SETD2: variants seen among roughly 807,000 people sequenced by gnomAD.
The protein encoded by SETD2 is SET domain containing 2, histone lysine methyltransferase.
Under a neutral mutation model 242.1 loss-of-function variants are expected in SETD2, and 31 were observed. The ratio of observed to expected loss-of-function variants is 0.13; its 90% CI spans 0.10 to 0.17. The LOEUF is 0.17. SETD2 is among the 10% of genes least tolerant of loss of function. SETD2 has a pLI of 1.00. For synonymous variants in SETD2, 1,006 were observed against 1,066.5 expected, an observed-to-expected ratio of 0.94 and a Z score of 1.11; for missense variants, 2,481 against 3,046.3, an observed-to-expected ratio of 0.81 and a Z score of 4.37.
At chr3:47,029,236 T>G (rs577590498) in intron 18 of SETD2, among the ~76,000 whole-genome samples, 6 of 151,768 alleles carry the variant, frequency 4.0e-5, no homozygotes, top group African/African-American at 1.5e-4. Flanking sequence ...TTTTTTTTTT[T>G]GCATTTTTTA....
chr3:47,055,839 C>T (rs866016435), intron 15 of SETD2, among the ~76,000 whole-genome samples: 64 of 151,256 alleles, frequency 4.2e-4, no homozygotes, highest in Non-Finnish European at 1.0e-4. Context: ...GGCGAAACCC[C>T]GTCTCTACTA....
At chr3:47,142,685 T>G (rs2106796631) in intron 1 of SETD2, among the ~76,000 whole-genome samples, 1 of 150,124 alleles carries the variant, frequency 6.7e-6, no homozygotes, top group South Asian at 2.1e-4. Flanking sequence ...TTTTTTTTTT[T>G]GAGATGGAGT....
At chr3:47,152,101 C>A (rs2043999329) in intron 1 of SETD2, among the ~76,000 whole-genome samples, 1 of 152,082 alleles carries the variant, frequency 6.6e-6, no homozygotes, top group Non-Finnish European at 1.5e-5. Flanking sequence ...AATAATTGTA[C>A]AACAAAAGTT....
At chr3:47,065,197 A>G (rs546064824) in intron 13 of SETD2, among the ~76,000 whole-genome samples, 4 of 152,202 alleles carry the variant, frequency 2.6e-5, no homozygotes, top group Non-Finnish European at 5.9e-5. Flanking sequence ...CTTCTTTTTT[A>G]TAGGAAGAGT....
chr3:47,085,842 C>T (rs1005266288), intron 11 of SETD2, among the ~76,000 whole-genome samples: 1 of 152,028 alleles, frequency 6.6e-6, no homozygotes, highest in Non-Finnish European at 1.5e-5. Flanking sequence ...ATTCTTTAGA[C>T]CCCACAGTTC....
intron 1 of SETD2, among the ~76,000 whole-genome samples, chr3:47,132,562 G>A (rs2043504497): frequency 6.6e-6 from 1 of 152,094 alleles, no homozygotes; most frequent in Admixed American, 6.6e-5. Flanking sequence ...TTAAGAATCT[G>A]GATAAGAACT....
chr3:47,093,719 T>C (rs1301587100), intron 9 of SETD2, among the ~76,000 whole-genome samples: 3 of 152,214 alleles, frequency 2.0e-5, no homozygotes, highest in African/African-American at 7.2e-5. Context: ...ATATGGTATA[T>C]GTTCTTTCAC....
chr3:47,028,445 C>T (rs765449836), intron 18 of SETD2, among the ~76,000 whole-genome samples: 4 of 152,188 alleles, frequency 2.6e-5, no homozygotes, highest in Non-Finnish European at 4.4e-5. Flanking sequence ...TAACCTGTGG[C>T]ATTCAGTGGA....
At chr3:47,143,293 C>CA (rs551272072) in intron 1 of SETD2, among the ~76,000 whole-genome samples, 13 of 151,876 alleles carry the variant, frequency 8.6e-5, no homozygotes, top group South Asian at 2.1e-4. Flanking sequence ...GACCCCGTCT[C>CA]AAAAAACAAA....
At chr3:47,045,685 T>TA (rs562529886) in intron 16 of SETD2, among the ~76,000 whole-genome samples, 84,847 of 133,026 alleles carry the variant, frequency 0.64, 26,890 homozygotes, top group African/African-American at 0.72. Context: ...GTGACAGAGT[T>TA]AAAAAAAAAA....
chr3:47,053,624 C>T (rs570613415), intron 15 of SETD2, among the ~76,000 whole-genome samples: 15 of 152,268 alleles, frequency 9.9e-5, no homozygotes, highest in African/African-American at 3.1e-4. Flanking sequence ...GATACACAGA[C>T]GTAAATGTAT....
At position 47,098,036 on chromosome 3, in the gene SETD2, A is replaced by G. The variant is rs2107674579; in HGVS notation, c.5061T>C (p.Gly1687=). The stretch of plus-strand genomic sequence containing the variant: ...TGACTCTGTTTTCTCCTCCCAGGTA[A>G]CCCCGGCAATTGGCTGATCCGCAGA... ...KCFCGSANCR[G]YLGGENRVSI... The change falls in exon 9 of 21, where the codon GGT becomes GGC. Residue 1687 remains glycine, a synonymous_variant. Transcript: ENST00000409792. The G allele has an allele frequency of 6.2e-7, 1 of 1,614,008 alleles. No individual in the cohort carries two copies. Among genetic ancestry groups the G allele is most frequent in the South Asian group, 1.1e-5 (1 of 91,076 alleles).
chr3:47,105,564 C>T (rs1455609890), intron 6 of SETD2: 4 of 289,180 alleles, frequency 1.4e-5, no homozygotes, highest in Admixed American at 9.5e-5. Context: ...GTAACTTCCA[C>T]GCTTTTTGAA....
intron 18 of SETD2, among the ~76,000 whole-genome samples, chr3:47,023,287 C>A (rs563584138): frequency 1.3e-5 from 2 of 152,232 alleles, no homozygotes; most frequent in East Asian, 3.9e-4. Context: ...GTAATCCCAG[C>A]TACTCGGGAG....
chr3:47,086,432 CA>C (rs1028888547), intron 10 of SETD2, 118 bp from the exon 11 acceptor site: 26 of 898,854 alleles, frequency 2.9e-5, no homozygotes, highest in East Asian at 5.7e-5. Flanking sequence ...CTTACATTCA[CA>C]AAAAAAACCT....
chr3:47,017,633 A>G lies in SETD2; in HGVS notation c.7533+5T>C, dbSNP rs2107487420. The G allele has an allele frequency of 6.3e-7, 1 of 1,599,156 alleles. No homozygotes were observed. Among genetic ancestry groups the G allele is most frequent in the Non-Finnish European group, 8.6e-7 (1 of 1,166,284 alleles). On this transcript the variant is annotated splice_donor_5th_base_variant and intron_variant, in intron 20 of 20. Coordinates refer to ENST00000409792, the MANE Select transcript of SETD2 (RefSeq NM_014159.7). The surrounding 1 kb of genome is among the most constrained non-coding windows in gnomAD (Gnocchi z 4.8). ...CTGGTGGGCTACCAAAAGCAAGGGGAGTACCTTGCGAGCCAGATGTTTAAA... is the reference window on the plus strand; with the variant it reads ...CTGGTGGGCTACCAAAAGCAAGGGGGGTACCTTGCGAGCCAGATGTTTAAA...
At chr3:47,150,268 G>C (rs970202560) in intron 1 of SETD2, among the ~76,000 whole-genome samples, 1 of 151,930 alleles carries the variant, frequency 6.6e-6, no homozygotes, top group Non-Finnish European at 1.5e-5. Flanking sequence ...TCGATCTCCT[G>C]ACCTTGTGAT....
intron 1 of SETD2, among the ~76,000 whole-genome samples, chr3:47,136,671 G>T (rs947196326): frequency 1.3e-5 from 2 of 152,044 alleles, no homozygotes; most frequent in African/African-American, 4.8e-5. Context: ...TACCTAATGG[G>T]GGCTGGGTGC....
At chr3:47,143,432 T>C (rs1300565313) in intron 1 of SETD2, among the ~76,000 whole-genome samples, 8 of 152,250 alleles carry the variant, frequency 5.3e-5, no homozygotes, top group African/African-American at 1.7e-4. Context: ...TCTTTTAGGA[T>C]AAGGCACTAC....
Sources: gnomAD v4.1 joint callset for allele counts (sites outside exome capture counted in the v4.1 genomes callset) on GRCh38, gnomAD v4.1.1 for gene constraint, Gnocchi (gnomAD v3.1) non-coding constraint, MANE v1.5 for transcripts, NCBI Gene and HGNC (gene_info 2026-07-23, HGNC 2026-07-21) for gene names.